The following VPS13B variants were observed in gnomAD, a reference collection of about 807,000 sequenced individuals.
VPS13B encodes intermembrane lipid transfer protein VPS13B.
VPS13B carries 285 observed loss-of-function variants against 426.4 expected under a neutral mutation model. The ratio of observed to expected loss-of-function variants is 0.67; its 90% confidence interval spans 0.61 to 0.74. The LOEUF (loss-of-function observed/expected upper bound fraction) is 0.74. Ranked by LOEUF, VPS13B falls within the 30% of genes least tolerant of loss-of-function variation. The pLI, the probability that VPS13B is intolerant of heterozygous loss-of-function variation, is 0.00. For missense variants in VPS13B, 4,537 were observed against 4,782.6 expected (o/e 0.95, Z 1.51); for synonymous variants, 1,676 against 1,676.4 (o/e 1.00, Z 0.01).
intron 17 of VPS13B, among the ~76,000 whole-genome samples, chr8:99,196,177 T>TA (rs1813908689): frequency 6.6e-6 from 1 of 152,146 alleles, no homozygotes; most frequent in Non-Finnish European, 1.5e-5. Context: ...CCAAGTTCAT[T>TA]AGCACAGAAC....
chr8:99,594,884 G>A (rs1216702687), intron 33 of VPS13B, among the ~76,000 whole-genome samples: 1 of 151,934 alleles, frequency 6.6e-6, no homozygotes, highest in Non-Finnish European at 1.5e-5. Context: ...ACTTTTCTCA[G>A]CCATAGGAAA....
chr8:99,638,908 T>G (rs1173185165), intron 33 of VPS13B, among the ~76,000 whole-genome samples: 1 of 152,172 alleles, frequency 6.6e-6, no homozygotes, highest in Non-Finnish European at 1.5e-5. Flanking sequence ...TGGATTCTCT[T>G]CAGTGTGCTA....
chr8:99,679,249 T>G, intron 35 of VPS13B, among the ~76,000 whole-genome samples: 1 of 152,150 alleles, frequency 6.6e-6, no homozygotes, highest in Non-Finnish European at 1.5e-5. Context: ...TCATCAAGGA[T>G]GAGTATATGC....
rs181419950 is a variant in VPS13B at position 99,178,029 on chromosome 8, A to T, written c.2333+7866A>T. Reference sequence around the variant, plus strand: ...CAAAAGAACTCTACGTTGTTAATGTATTTTTTTTTAAAGCGAAATGGCTTG... The same window carrying T: ...CAAAAGAACTCTACGTTGTTAATGTTTTTTTTTTTAAAGCGAAATGGCTTG... On this transcript the variant is annotated intron_variant, in intron 16 of 61. Transcript: ENST00000357162. 6.8e-3 allele frequency among the ~76,000 whole-genome samples: 925 copies of T among 135,332 alleles called. 13 individuals carry two copies. Among genetic ancestry groups the T allele is most frequent in the African/African-American group, 0.026 (877 of 34,270 alleles). 88.8% of individuals were successfully genotyped at this position (135,332 alleles called of 152,430 possible). A position where few individuals can be genotyped will look rare whatever the true frequency, so the allele number is the denominator to read the frequency against.
At chr8:99,866,360 G>A (rs1296944814) in intron 58 of VPS13B, among the ~76,000 whole-genome samples, 4 of 152,210 alleles carry the variant, frequency 2.6e-5, no homozygotes, top group African/African-American at 4.8e-5. Context: ...CAGCTTGTGA[G>A]CACAGAGGTA....
intron 43 of VPS13B, among the ~76,000 whole-genome samples, chr8:99,790,869 T>C (rs1223417593): frequency 6.6e-6 from 1 of 152,082 alleles, no homozygotes; most frequent in Admixed American, 6.6e-5. Flanking sequence ...CTTGACTAAT[T>C]TGGCTACAGT....
chr8:99,702,822 C>T (rs957145517), intron 36 of VPS13B, among the ~76,000 whole-genome samples: 3 of 152,026 alleles, frequency 2.0e-5, no homozygotes, highest in Admixed American at 6.6e-5. Context: ...GTTATATAAA[C>T]AGGGTAAAAC....
At chr8:99,378,552 G>C (rs971420081) in intron 19 of VPS13B, among the ~76,000 whole-genome samples, 8 of 152,280 alleles carry the variant, frequency 5.3e-5, no homozygotes, top group Non-Finnish European at 7.3e-5. Context: ...AGAGATTGCA[G>C]TAAAGACAGG....
At chr8:99,509,895 A>G (rs1821696015) in intron 28 of VPS13B, among the ~76,000 whole-genome samples, 1 of 152,152 alleles carries the variant, frequency 6.6e-6, no homozygotes, top group African/African-American at 2.4e-5. Context: ...ATACAAAAGT[A>G]TATGTTTTAC....
intron 21 of VPS13B, among the ~76,000 whole-genome samples, chr8:99,416,613 G>T (rs1433068915): frequency 6.6e-6 from 1 of 152,182 alleles, no homozygotes; most frequent in Non-Finnish European, 1.5e-5. Context: ...TAGTATCTGG[G>T]TCAGAGTACA....
chr8:99,876,706 A>AGAT lies in VPS13B; in HGVS notation c.*1042_*1044dup, dbSNP rs1370745386. Reference sequence around the variant, plus strand: ...TTTGACTCAAGATCTTGGGTTACCAAGATGTCTTAAATGTTCAGTAAATAT... The same window carrying AGAT: ...TTTGACTCAAGATCTTGGGTTACCAAGATGATGTCTTAAATGTTCAGTAAATAT... On this transcript the variant is annotated 3_prime_UTR_variant, in exon 62 of 62. Coordinates refer to ENST00000357162, the MANE Select transcript of VPS13B (RefSeq NM_152564.5). 2 of 152,224 alleles carry AGAT rather than the reference A, an allele frequency of 1.3e-5. No individual in the cohort carries two copies. The highest frequency in any genetic ancestry group is 6.5e-5 in the Admixed American group (1 of 15,278). The allele number at this position is 152,224 out of a possible 1,614,324, so 9.4% of individuals were successfully genotyped here. A position where few individuals can be genotyped will look rare whatever the true frequency, so the allele number is the denominator to read the frequency against.
At chr8:99,788,642 G>GT (rs1812392341) in intron 43 of VPS13B, among the ~76,000 whole-genome samples, 1 of 152,152 alleles carries the variant, frequency 6.6e-6, no homozygotes, top group African/African-American at 2.4e-5. Context: ...AAACGAATGA[G>GT]TGTGGCTGTG....
At chr8:99,193,441 G>A (rs1813715811) in intron 17 of VPS13B, among the ~76,000 whole-genome samples, 1 of 151,958 alleles carries the variant, frequency 6.6e-6, no homozygotes, top group African/African-American at 2.4e-5. Flanking sequence ...GGTTAGTTTG[G>A]TAAACAATTT....
intron 39 of VPS13B, among the ~76,000 whole-genome samples, chr8:99,721,636 A>G (rs1362717880): frequency 1.3e-5 from 2 of 152,224 alleles, no homozygotes; most frequent in Non-Finnish European, 2.9e-5. Flanking sequence ...TTCTACTGAT[A>G]GGAGTTTCTC....
chr8:99,029,317 C>T (rs1215634032), intron 2 of VPS13B, among the ~76,000 whole-genome samples: 2 of 149,604 alleles, frequency 1.3e-5, no homozygotes, highest in Non-Finnish European at 3.0e-5. Context: ...CAGAGGGCTC[C>T]TCACATCCCA....
chr8:99,557,293 C>T (rs1824635189), intron 31 of VPS13B, among the ~76,000 whole-genome samples: 1 of 151,898 alleles, frequency 6.6e-6, no homozygotes, highest in Non-Finnish European at 1.5e-5. Flanking sequence ...CACTCCCCTT[C>T]CTCACCACCC....
At chr8:99,805,641 T>C (rs1011576028) in intron 43 of VPS13B, among the ~76,000 whole-genome samples, 81 of 152,176 alleles carry the variant, frequency 5.3e-4, no homozygotes, top group African/African-American at 1.9e-3. Flanking sequence ...AGGTCTTCAA[T>C]GGGAAAACTA....
chr8:99,807,294 G>A (rs1475910908), intron 43 of VPS13B, among the ~76,000 whole-genome samples: 1 of 152,174 alleles, frequency 6.6e-6, no homozygotes. Flanking sequence ...ATCTAAAACT[G>A]AGCTCATATG....
intron 3 of VPS13B, among the ~76,000 whole-genome samples, chr8:99,055,733 T>C (rs1843812070): frequency 6.6e-6 from 1 of 152,008 alleles, no homozygotes. Context: ...GTTGATCTTT[T>C]ATTTATTTAT....
Sources: allele counts gnomAD v4.1 joint callset (sites outside exome capture counted in the v4.1 genomes callset), GRCh38; gene constraint gnomAD v4.1.1; transcripts MANE v1.5; gene names NCBI Gene and HGNC (gene_info 2026-07-23, HGNC 2026-07-21).